Variants in ABCA13 observed in about 807,000 individuals in gnomAD.
ABCA13 encodes ATP binding cassette subfamily A member 13, also known as ATP-binding cassette sub-family A member 13.
ABCA13 carries 476 observed loss-of-function variants against 478.7 expected under a neutral mutation model. The observed-to-expected ratio is 0.99, with a 90% CI of 0.92 to 1.07. ABCA13 has a LOEUF of 1.07. ABCA13 is among the 50% of genes least tolerant of loss of function. The probability of loss-of-function intolerance (pLI) is 0.00; values close to 1 mark genes in which losing one functional copy is unlikely to be tolerated. For synonymous variants in ABCA13, 2,252 were observed against 2,158.9 expected (o/e 1.04, Z -1.20); for missense variants, 6,060 against 5,910.6 (o/e 1.03, Z -0.83).
chr7:48,251,810 C>T (rs1470719523), intron 15 of ABCA13, among the ~76,000 whole-genome samples: 1 of 151,688 alleles, frequency 6.6e-6, no homozygotes, highest in Non-Finnish European at 1.5e-5. Context: ...ATAAATTTTC[C>T]TCTATGCCGA....
chr7:48,614,800 C>G (rs1247392816), intron 58 of ABCA13, among the ~76,000 whole-genome samples: 3 of 146,316 alleles, frequency 2.1e-5, no homozygotes, highest in Non-Finnish European at 4.5e-5. Context: ...AAACCAAACA[C>G]CGCATGTTCT....
chr7:48,288,699 T>A (rs185133427), intron 20 of ABCA13, among the ~76,000 whole-genome samples: 1 of 152,290 alleles, frequency 6.6e-6, no homozygotes, highest in East Asian at 1.9e-4. Context: ...TGGCTCTAAC[T>A]CATTGAATAC....
At chr7:48,364,829 T>C (rs1811428560) in intron 31 of ABCA13, among the ~76,000 whole-genome samples, 1 of 152,232 alleles carries the variant, frequency 6.6e-6, no homozygotes, top group Admixed American at 6.5e-5. Context: ...CTTAGGTTGA[T>C]TCCATATCTT....
chr7:48,343,987 C>T (rs530940460), intron 29 of ABCA13, among the ~76,000 whole-genome samples: 7 of 152,176 alleles, frequency 4.6e-5, no homozygotes, highest in African/African-American at 1.7e-4. Context: ...ATTACTATTA[C>T]TGTTTTCTAT....
chr7:48,507,594 T>C (rs377355907), intron 49 of ABCA13, among the ~76,000 whole-genome samples: 7 of 152,102 alleles, frequency 4.6e-5, no homozygotes, highest in Admixed American at 1.3e-4. Flanking sequence ...GGAGTCAGGC[T>C]CAATGGTGAA....
chr7:48,356,547 T>C (rs1809955432), intron 31 of ABCA13, among the ~76,000 whole-genome samples: 1 of 151,834 alleles, frequency 6.6e-6, no homozygotes, highest in African/African-American at 2.4e-5. Flanking sequence ...AACATGGCAA[T>C]TCACCTGTGG....
At chr7:48,506,488 C>G in intron 49 of ABCA13, 98 bp downstream of exon 49, 1 of 1,342,346 alleles carries the variant, frequency 7.4e-7, no homozygotes, top group Non-Finnish European at 1.1e-6. Flanking sequence ...TGCATTTGCC[C>G]CAAGAGATGG....
At chr7:48,426,872 A>G (rs1585273112) in intron 41 of ABCA13, among the ~76,000 whole-genome samples, 1 of 152,130 alleles carries the variant, frequency 6.6e-6, no homozygotes, top group East Asian at 1.9e-4. Context: ...TACTGTGATC[A>G]TCATCTCTGT....
chr7:48,392,193 A>C, intron 38 of ABCA13, 54 bp downstream of exon 38: 5 of 1,515,082 alleles, frequency 3.3e-6, no homozygotes, highest in Non-Finnish European at 3.7e-6. Flanking sequence ...TGTGTAAGGA[A>C]GTGAAGACAA....
intron 51 of ABCA13, 63 bp from the exon 52 acceptor site, chr7:48,516,662 C>T: frequency 6.6e-7 from 1 of 1,523,378 alleles, no homozygotes; most frequent in Non-Finnish European, 9.0e-7. Context: ...ATGTATCTGC[C>T]ATAGATAAAA....
intron 46 of ABCA13, 55 bp downstream of exon 46, chr7:48,481,209 T>TA (rs1158830272): frequency 7.3e-7 from 1 of 1,377,166 alleles, no homozygotes; most frequent in African/African-American, 1.4e-5. Flanking sequence ...ATGGAAAACT[T>TA]ATTGTTTTAA....
At chr7:48,615,416 G>A in intron 59 of ABCA13, 39 bp downstream of exon 59, 2 of 1,510,012 alleles carry the variant, frequency 1.3e-6, no homozygotes, top group Middle Eastern at 1.8e-4. Context: ...TATTTACTAT[G>A]AAATCAATAG....
intron 20 of ABCA13, among the ~76,000 whole-genome samples, chr7:48,288,628 C>G (rs1302454212): frequency 1.6e-5 from 2 of 126,784 alleles, no homozygotes; most frequent in Admixed American, 1.6e-4. Flanking sequence ...TTGGCAAGTG[C>G]TCCAAATCAG....
In ABCA13 at chr7:48,570,469, C is replaced by T. The variant is rs540913046; in HGVS notation, c.14355-9755C>T. ...CCTCCCAAGTAGCTGGGACTACAGG[C>T]GCCTGCCACCACGCCTGGCCAATTT... On this transcript the variant is annotated intron_variant, in intron 55 of 61. Coordinates refer to ENST00000435803, the MANE Select transcript of ABCA13 (RefSeq NM_152701.5). 4.9e-3 allele frequency among the ~76,000 whole-genome samples: 739 copies of T among 151,810 alleles called. 4 individuals carry two copies. Among genetic ancestry groups the T allele is most frequent in the Non-Finnish European group, 8.4e-3 (573 of 67,918 alleles).
chr7:48,536,844 AT>A (rs1833618138), intron 55 of ABCA13, among the ~76,000 whole-genome samples: 1 of 151,840 alleles, frequency 6.6e-6, no homozygotes, highest in African/African-American at 2.4e-5. Flanking sequence ...TATAGATTTT[AT>A]ATTTATTATT....
rs1563103494 is a variant in ABCA13 at position 48,352,228 on chromosome 7, T to C, written c.10429T>C (p.Ser3477Pro). 6.2e-7 allele frequency: 1 copy of C among 1,611,272 alleles called. No individual in the cohort carries two copies. ...ATTCGACAAGAACTTCAGATCAGAG[T>C]CTGTCAAACTGCCACCCCATGTCTC... is the stretch of plus-strand genomic sequence containing the variant. ...SLFDKNFRSE[S>P]VKLPPHVSYT... The change falls in exon 31 of 62, where the codon TCT (serine) becomes CCT (proline). Residue 3477 changes from serine to proline, a missense_variant. By Grantham distance (74) the Ser-to-Pro change is moderately conservative (BLOSUM62 -1). Coordinates refer to ENST00000435803, the MANE Select transcript of ABCA13 (RefSeq NM_152701.5).
intron 55 of ABCA13, among the ~76,000 whole-genome samples, chr7:48,566,097 T>C (rs991210078): frequency 1.3e-5 from 2 of 152,150 alleles, no homozygotes; most frequent in African/African-American, 4.8e-5. Flanking sequence ...TTGACTCTCA[T>C]TGACCTACTT....
intron 55 of ABCA13, among the ~76,000 whole-genome samples, chr7:48,538,124 G>A (rs1833718810): frequency 8.0e-6 from 1 of 125,594 alleles, no homozygotes; most frequent in Non-Finnish European, 1.6e-5. Context: ...TTTTTGAGGT[G>A]GAGTCTTGCT....
intron 1 of ABCA13, among the ~76,000 whole-genome samples, chr7:48,172,926 T>C (rs138166004): frequency 0.081 from 12,261 of 151,582 alleles, 784 homozygotes; most frequent in East Asian, 0.21. Context: ...TTATAAACAG[T>C]GTATTTCATT....
Sources: gnomAD v4.1 joint callset for allele counts (sites outside exome capture counted in the v4.1 genomes callset) on GRCh38, gnomAD v4.1.1 for gene constraint, MANE v1.5 for transcripts, NCBI Gene and HGNC (gene_info 2026-07-23, HGNC 2026-07-21) for gene names.